The following CDC42BPA variants were observed in gnomAD, a reference collection of about 807,000 sequenced individuals.
CDC42BPA encodes the protein CDC42 binding protein kinase alpha.
In CDC42BPA, 80 loss-of-function variants were observed where a neutral mutation model predicts 223.5. That is an observed-to-expected ratio of 0.36 (90% confidence interval 0.30 to 0.43). The LOEUF is 0.43. Among genes scored for constraint, CDC42BPA ranks in the 20% least tolerant of loss-of-function variants. The probability of loss-of-function intolerance (pLI) is 1.00; values close to 1 mark genes in which losing one functional copy is unlikely to be tolerated. For missense variants in CDC42BPA, 1,743 were observed against 2,099.9 expected, an observed-to-expected ratio of 0.83 and a Z score of 3.32; for synonymous variants, 694 against 718.6, an observed-to-expected ratio of 0.97 and a Z score of 0.55.
chr1:227,067,654 T>A (rs982010711), intron 21 of CDC42BPA, among the ~76,000 whole-genome samples: 2 of 152,156 alleles, frequency 1.3e-5, no homozygotes, highest in African/African-American at 4.8e-5. Context: ...TTGTTTAGAA[T>A]GAAAATGTGC....
intron 22 of CDC42BPA, among the ~76,000 whole-genome samples, chr1:227,051,556 A>G (rs1673528247): frequency 6.6e-6 from 1 of 152,196 alleles, no homozygotes; most frequent in South Asian, 2.1e-4. Flanking sequence ...TTAAAATATG[A>G]GAATGGCACC....
chr1:227,315,327 A>G (rs1694195396), intron 1 of CDC42BPA, among the ~76,000 whole-genome samples: 1 of 152,124 alleles, frequency 6.6e-6, no homozygotes, highest in Admixed American at 6.5e-5. Flanking sequence ...TTCTGATAAT[A>G]CAGCGAAATA....
At chr1:227,229,014 T>G (rs775692472) in intron 2 of CDC42BPA, among the ~76,000 whole-genome samples, 1 of 152,190 alleles carries the variant, frequency 6.6e-6, no homozygotes, top group Non-Finnish European at 1.5e-5. Context: ...GCACAAAAGT[T>G]TTAAACTCTG....
chr1:227,278,910 G>C (rs1047047489), intron 1 of CDC42BPA, among the ~76,000 whole-genome samples: 4 of 151,992 alleles, frequency 2.6e-5, no homozygotes, highest in African/African-American at 9.7e-5. Context: ...CCAATATGAA[G>C]ATGTGATTTT....
At chr1:227,009,671 C>A (rs1157404002) in intron 34 of CDC42BPA, among the ~76,000 whole-genome samples, 12 of 152,136 alleles carry the variant, frequency 7.9e-5, no homozygotes, top group African/African-American at 2.7e-4. Context: ...CTGCCTCAGC[C>A]TCCCAAAGTG....
At chr1:227,175,509 C>G (rs1205422959) in intron 5 of CDC42BPA, among the ~76,000 whole-genome samples, 1 of 151,810 alleles carries the variant, frequency 6.6e-6, no homozygotes, top group Non-Finnish European at 1.5e-5. Context: ...GATAAACTAC[C>G]AAGTAATCAT....
At chr1:227,300,088 T>C (rs1299297443) in intron 1 of CDC42BPA, among the ~76,000 whole-genome samples, 3 of 150,844 alleles carry the variant, frequency 2.0e-5, no homozygotes, top group Middle Eastern at 3.4e-3. Context: ...GGATTTTCTC[T>C]AGGAGAAGTT....
chr1:227,311,918 TTGAG>T (rs1423556229), intron 1 of CDC42BPA, among the ~76,000 whole-genome samples: 4 of 152,346 alleles, frequency 2.6e-5, no homozygotes, highest in African/African-American at 9.6e-5. Context: ...CACTAGGTTC[TTGAG>T]TAAGTCCCTA....
At chr1:227,202,039 A>G (rs2150244063) in intron 3 of CDC42BPA, among the ~76,000 whole-genome samples, 1 of 152,322 alleles carries the variant, frequency 6.6e-6, no homozygotes, top group Middle Eastern at 3.4e-3. Flanking sequence ...GCTGGAGTGC[A>G]GTGGCGTGAT....
intron 2 of CDC42BPA, among the ~76,000 whole-genome samples, chr1:227,245,922 T>C (rs1446227018): frequency 6.6e-6 from 1 of 152,134 alleles, no homozygotes; most frequent in East Asian, 1.9e-4. Flanking sequence ...ACTCCTTCTG[T>C]CTGAGAAAAG....
intron 5 of CDC42BPA, among the ~76,000 whole-genome samples, chr1:227,170,276 C>T (rs1254182807): frequency 2.0e-5 from 3 of 151,990 alleles, no homozygotes; most frequent in Non-Finnish European, 4.4e-5. Context: ...AACAAAAACC[C>T]CATGCCCACA....
At chr1:227,158,152 GC>G (rs1332901263) in intron 6 of CDC42BPA, among the ~76,000 whole-genome samples, 1 of 152,002 alleles carries the variant, frequency 6.6e-6, no homozygotes, top group East Asian at 1.9e-4. Context: ...GTATAGACAA[GC>G]TTTCACTGTG....
At chr1:227,048,064 C>A in intron 22 of CDC42BPA, 54 bp from the exon 23 acceptor site, 1 of 1,047,108 alleles carries the variant, frequency 9.6e-7, no homozygotes, top group Non-Finnish European at 1.4e-6. Context: ...CCATTAATTT[C>A]AAATATAACT....
intron 21 of CDC42BPA, among the ~76,000 whole-genome samples, chr1:227,053,408 G>A (rs1023849882): frequency 6.6e-6 from 1 of 152,126 alleles, no homozygotes; most frequent in Non-Finnish European, 1.5e-5. Flanking sequence ...GAGGAGTAGG[G>A]AGAAGAAGGG....
intron 28 of CDC42BPA, among the ~76,000 whole-genome samples, chr1:227,030,840 A>G (rs1669151015): frequency 6.6e-6 from 1 of 152,202 alleles, no homozygotes; most frequent in African/African-American, 2.4e-5. Flanking sequence ...AGATGCATAC[A>G]CAGGAATACA....
chr1:227,207,194 G>C (rs1363530152), intron 3 of CDC42BPA, among the ~76,000 whole-genome samples: 1 of 146,230 alleles, frequency 6.8e-6, no homozygotes, highest in Non-Finnish European at 1.5e-5. Flanking sequence ...TTGGTTTTTT[G>C]TCCTTGCGAT....
intron 15 of CDC42BPA, among the ~76,000 whole-genome samples, chr1:227,095,701 C>G (rs1013598409): frequency 8.0e-5 from 12 of 150,586 alleles, no homozygotes; most frequent in African/African-American, 2.9e-4. Context: ...AAGCAATTCT[C>G]TAGCCTCAGC....
intron 2 of CDC42BPA, among the ~76,000 whole-genome samples, chr1:227,223,355 T>G (rs1357471428): frequency 2.0e-5 from 3 of 152,138 alleles, no homozygotes; most frequent in Non-Finnish European, 4.4e-5. Context: ...GAAATGGTGC[T>G]GAAGGGTCCA....
chr1:227,150,734 G>A (rs1245071193), intron 6 of CDC42BPA, among the ~76,000 whole-genome samples: 1 of 151,738 alleles, frequency 6.6e-6, no homozygotes, highest in Non-Finnish European at 1.5e-5. Flanking sequence ...TAGAAAAAGA[G>A]GCAGGAGTAA....
Sources: gnomAD v4.1 joint callset for allele counts (sites outside exome capture counted in the v4.1 genomes callset) on GRCh38, gnomAD v4.1.1 for gene constraint, MANE v1.5 for transcripts, NCBI Gene and HGNC (gene_info 2026-07-23, HGNC 2026-07-21) for gene names.